Variants in EIF4E3 observed in about 807,000 individuals in gnomAD.
EIF4E3 encodes eukaryotic translation initiation factor 4E family member 3, also known as eukaryotic translation initiation factor 4E type 3.
A neutral mutation model predicts 31.7 loss-of-function variants in EIF4E3; 26 were observed. The ratio of observed to expected loss-of-function variants is 0.82; its 90% CI spans 0.60 to 1.14. EIF4E3 has a LOEUF of 1.14. EIF4E3 is among the 50% of genes most tolerant of loss of function. The pLI is 0.00. For synonymous variants in EIF4E3, 128 were observed against 107.7 expected (o/e 1.19, Z -1.17); for missense variants, 304 against 270.9 (o/e 1.12, Z -0.86).
the EIF4E3 span, among the ~76,000 whole-genome samples, chr3:71,661,191 T>G: frequency 1.4e-3 from 206 of 151,772 alleles, 1 homozygote; most frequent in African/African-American, 4.6e-3. Flanking sequence ...ATTCTGAAGT[T>G]ATCCAATTAA....
intron 5 of EIF4E3, 43 bp from the exon 6 acceptor site, chr3:71,690,208 A>C: frequency 6.4e-7 from 1 of 1,557,472 alleles, no homozygotes; most frequent in Non-Finnish European, 8.7e-7. Flanking sequence ...TGATACTTCC[A>C]AGTCAGTCTG....
chr3:71,699,750 T>A (rs771430223), intron 2 of EIF4E3, 42 bp from the exon 3 acceptor site: 29 of 1,519,180 alleles, frequency 1.9e-5, no homozygotes, highest in Non-Finnish European at 1.0e-5. Context: ...ATACCCAGTA[T>A]TGATTTATTA....
chr3:71,750,579 T>G (rs930472614), intron 1 of EIF4E3, among the ~76,000 whole-genome samples: 1 of 152,182 alleles, frequency 6.6e-6, no homozygotes, highest in Non-Finnish European at 1.5e-5. Flanking sequence ...TTCACAGTTA[T>G]AACAAAGAGG....
intron 1 of EIF4E3, among the ~76,000 whole-genome samples, chr3:71,744,737 T>C (rs1157403733): frequency 6.6e-6 from 1 of 152,184 alleles, no homozygotes; most frequent in African/African-American, 2.4e-5. Context: ...AGAGCGAGAC[T>C]CCGTCTCAAA....
Position 71,696,464 on chromosome 3 carries a change from C to T in EIF4E3, c.401G>A (p.Ser134Asn). ...AGAGGATCAGTAGGAACCTACCGTG[C>T]TGTCCTTGGGGACTTTCATCTTCCA... ...GVWKMKVPKD[S>N]TSTVWKELLL... Residue 134 changes from serine (S) to asparagine (N), a missense_variant, in exon 4 of 7, where the codon AGC (serine) becomes AAC (asparagine). Coordinates refer to ENST00000425534, the MANE Select transcript of EIF4E3 (RefSeq NM_001134651.2). 1 of 1,614,146 alleles carries T rather than the reference C, an allele frequency of 6.2e-7. No homozygotes were observed. The highest frequency in any genetic ancestry group is 8.5e-7 in the Non-Finnish European group (1 of 1,180,028).
At chr3:71,746,810 C>A (rs2049877851) in intron 1 of EIF4E3, among the ~76,000 whole-genome samples, 1 of 152,162 alleles carries the variant, frequency 6.6e-6, no homozygotes, top group Non-Finnish European at 1.5e-5. Context: ...CAGCTCCCAG[C>A]AACTACTAAC....
At chr3:71,667,607 T>C in the EIF4E3 span, among the ~76,000 whole-genome samples, 1 of 152,062 alleles carries the variant, frequency 6.6e-6, no homozygotes, top group African/African-American at 2.4e-5. Flanking sequence ...TATACACCAA[T>C]AATAGACAAA....
intron 1 of EIF4E3, among the ~76,000 whole-genome samples, chr3:71,735,819 A>C (rs978614938): frequency 1.4e-4 from 22 of 152,036 alleles, no homozygotes; most frequent in Non-Finnish European, 2.6e-4. Context: ...CCAAAAAATG[A>C]GAAGAAAACA....
intron 2 of EIF4E3, among the ~76,000 whole-genome samples, chr3:71,704,839 C>T (rs1289628434): frequency 6.6e-6 from 1 of 152,174 alleles, no homozygotes; most frequent in African/African-American, 2.4e-5. Context: ...GGTCAAGTCT[C>T]ACCCCACCCA....
intron 1 of EIF4E3, among the ~76,000 whole-genome samples, chr3:71,724,653 G>C (rs955628393): frequency 3.9e-5 from 6 of 152,228 alleles, no homozygotes; most frequent in Non-Finnish European, 8.8e-5. Context: ...CAGTGGATGA[G>C]GAAGAACTGG....
rs1578323978 is a variant in EIF4E3 at position 71,678,353 on chromosome 3, C to T, written c.*6329G>A. 1 of 152,054 alleles carries T rather than the reference C, an allele frequency of 6.6e-6. No homozygotes were observed. The highest frequency in any genetic ancestry group is 2.4e-5 in the African/African-American group (1 of 41,410). The allele number at this position is 152,054 out of a possible 1,614,324, so 9.4% of individuals were successfully genotyped here. The stretch of plus-strand genomic sequence containing the variant: ...TTAAACAAACCCTGTGAACTACTAC[C>T]CTGAAAAATGAAGAAGCACAAATTC... On this transcript the variant is annotated 3_prime_UTR_variant, in exon 7 of 7. Transcript: ENST00000425534.
At chr3:71,673,022 C>CCGG (rs2048854890), downstream of EIF4E3, among the ~76,000 whole-genome samples, 1 of 152,136 alleles carries the variant, frequency 6.6e-6, no homozygotes, top group Non-Finnish European at 1.5e-5. Flanking sequence ...GGTGTCAGCA[C>CCGG]GTGCTTCTGG....
At chr3:71,729,580 A>C (rs933323944), upstream of EIF4E3, among the ~76,000 whole-genome samples, 4 of 152,198 alleles carry the variant, frequency 2.6e-5, no homozygotes, top group African/African-American at 9.7e-5. Flanking sequence ...AATGGTCTCT[A>C]TCTCTCGAGT....
rs560422937 is a variant in EIF4E3 at position 71,693,005 on chromosome 3, G to A, written c.472+870C>T. On this transcript the variant is annotated intron_variant, in intron 5 of 6. Transcript: ENST00000425534. ...CTGAAATGTGCCCTGGGACTGGCAA[G>A]GCCTACAGGGCTCTCAAACACGGCC... Among the ~76,000 whole-genome samples the A allele has an allele frequency of 7.2e-4, 110 of 152,282 alleles. 2 individuals are homozygous for A. The highest frequency in any genetic ancestry group is 2.5e-3 in the African/African-American group (105 of 41,550).
the EIF4E3 span, among the ~76,000 whole-genome samples, chr3:71,665,544 A>G: frequency 7.2e-5 from 11 of 152,250 alleles, no homozygotes; most frequent in Non-Finnish European, 1.5e-5. Context: ...AATCAGAGAC[A>G]TGAAAGTCTG....
rs555921813 is a variant in EIF4E3, at chr3:71,740,875, G to A, written c.-290-12252C>T. Among the ~76,000 whole-genome samples the A allele has an allele frequency of 6.0e-4, 91 of 152,178 alleles. 1 individual carries two copies. Among genetic ancestry groups the A allele is most frequent in the Non-Finnish European group, 1.1e-3 (75 of 68,034 alleles). On this transcript the variant is annotated intron_variant, in intron 1 of 7. Coordinates refer to the EIF4E3 transcript ENST00000295612. Reference sequence around the variant, plus strand: ...ATCCCAGCCGGCCGCGGTGGCTCACGCCTGTAATCCCAGTACTATGGGAGG... The same window carrying A: ...ATCCCAGCCGGCCGCGGTGGCTCACACCTGTAATCCCAGTACTATGGGAGG...
chr3:71,721,263 T>C (rs978048431), intron 1 of EIF4E3, among the ~76,000 whole-genome samples: 1 of 152,162 alleles, frequency 6.6e-6, no homozygotes, highest in African/African-American at 2.4e-5. Context: ...GACTGACTTG[T>C]GCTAGGCTCC....
chr3:71,672,711 G>A (rs560911708), downstream of EIF4E3, among the ~76,000 whole-genome samples: 18 of 152,306 alleles, frequency 1.2e-4, no homozygotes, highest in African/African-American at 3.1e-4. Flanking sequence ...GTCAGCGGGC[G>A]AAACAGCAGT....
chr3:71,712,917 G>A lies in EIF4E3; in HGVS notation c.177-2433C>T, dbSNP rs138400832. ...TATATGGTTCTTTTTAAATGCCTCC[G>A]TCTCCACAGTCTGGTCTTTACTTGT... On this transcript the variant is annotated intron_variant, in intron 1 of 6. Transcript: ENST00000425534. Among the ~76,000 whole-genome samples the A allele has an allele frequency of 9.1e-3, 1,344 of 147,852 alleles. 13 individuals are homozygous for A. Among genetic ancestry groups the A allele is most frequent in the Middle Eastern group, 0.015 (4 of 266 alleles).
Sources: gnomAD v4.1 joint callset for allele counts (sites outside exome capture counted in the v4.1 genomes callset) on GRCh38, gnomAD v4.1.1 for gene constraint, MANE v1.5 for transcripts, NCBI Gene and HGNC (gene_info 2026-07-23, HGNC 2026-07-21) for gene names.